The following CFAP47 variants were observed in gnomAD, a reference collection of about 807,000 sequenced individuals.
The protein encoded by CFAP47 is cilia and flagella associated protein 47, also known as cilia- and flagella-associated protein 47.
Under a neutral mutation model 148.1 loss-of-function variants are expected in CFAP47, and 29 were observed. The ratio of observed to expected loss-of-function variants is 0.20; its 90% CI spans 0.15 to 0.27. The LOEUF (loss-of-function observed/expected upper bound fraction) is 0.27, where lower values mean the gene tolerates loss of function less well. Ranked by LOEUF, CFAP47 falls within the 10% of genes least tolerant of loss-of-function variation. The pLI, the probability that CFAP47 is intolerant of heterozygous loss-of-function variation, is 1.00. For missense variants in CFAP47, 1,872 were observed against 1,697.5 expected (o/e 1.10, Z -1.81); for synonymous variants, 664 against 577.3 (o/e 1.15, Z -2.15).
intron 48 of CFAP47, among the ~76,000 whole-genome samples, chrX:36,248,860 T>C (rs1335807686): frequency 9.0e-6 from 1 of 110,881 alleles, no homozygotes; most frequent in Non-Finnish European, 1.9e-5. Context: ...GGAATTAAAT[T>C]AGAAGTCAAA....
chrX:35,934,273 A>G (rs1263970788), intron 2 of CFAP47, among the ~76,000 whole-genome samples: 2 of 111,255 alleles, frequency 1.8e-5, no homozygotes. Flanking sequence ...AAACCACAAG[A>G]CAATGTTCTT....
chrX:36,306,729 G>C, intron 54 of CFAP47, 43 bp from the exon 55 acceptor site: 1 of 816,038 alleles, frequency 1.2e-6, no homozygotes, highest in East Asian at 3.6e-5. Flanking sequence ...AAGCCAATTG[G>C]GTATTAATTT....
intron 40 of CFAP47, among the ~76,000 whole-genome samples, chrX:36,180,331 T>C (rs1280139497): frequency 8.9e-6 from 1 of 112,105 alleles, no homozygotes; most frequent in African/African-American, 3.2e-5. Context: ...TTAAAAACAA[T>C]GTTATCAAGG....
At chrX:36,325,259 T>A (rs1941508806) in intron 57 of CFAP47, among the ~76,000 whole-genome samples, 1 of 111,649 alleles carries the variant, frequency 9.0e-6, no homozygotes, top group African/African-American at 3.3e-5. Flanking sequence ...TTAATTGATT[T>A]AGTCCTTACA....
intron 33 of CFAP47, among the ~76,000 whole-genome samples, chrX:36,120,212 G>A (rs1938718515): frequency 9.3e-6 from 1 of 107,179 alleles, no homozygotes; most frequent in Non-Finnish European, 1.9e-5. Flanking sequence ...GTTTCATCAT[G>A]TTAGCCAGGA....
chrX:36,279,924 G>A (rs1442082119), intron 49 of CFAP47, among the ~76,000 whole-genome samples: 1 of 110,110 alleles, frequency 9.1e-6, no homozygotes, highest in African/African-American at 3.3e-5. Context: ...GGCTGGTCTC[G>A]AACTCCTGAC....
At chrX:36,305,608 C>T (rs1484440364) in intron 54 of CFAP47, among the ~76,000 whole-genome samples, 1 of 111,163 alleles carries the variant, frequency 9.0e-6, no homozygotes, top group Non-Finnish European at 1.9e-5. Context: ...AATACTATCA[C>T]ATTTTAGAAA....
intron 63 of CFAP47, among the ~76,000 whole-genome samples, chrX:36,382,277 A>G (rs1942084710): frequency 9.0e-6 from 1 of 111,256 alleles, no homozygotes; most frequent in African/African-American, 3.3e-5. Flanking sequence ...CACACCTGAG[A>G]GGTTAAGAAA....
chrX:35,961,125 TTATTC>T (rs1401946084), intron 8 of CFAP47, among the ~76,000 whole-genome samples: 17 of 111,833 alleles, frequency 1.5e-4, no homozygotes, highest in Admixed American at 4.8e-4. Context: ...ATTTTGTCCT[TTATTC>T]TATTAAGAGT....
At chrX:36,170,605 G>A (rs1283209607) in intron 39 of CFAP47, among the ~76,000 whole-genome samples, 1 of 109,751 alleles carries the variant, frequency 9.1e-6, no homozygotes, top group Non-Finnish European at 1.9e-5. Context: ...TTTCATCCAT[G>A]TCCCTACAAA....
chrX:35,948,109 G>A (rs5973553), intron 3 of CFAP47, among the ~76,000 whole-genome samples: 28,594 of 109,066 alleles, frequency 0.26, 3,882 homozygotes, highest in African/African-American at 0.55. Flanking sequence ...AGCTTAAAAT[G>A]TCTCAAAAAA....
chrX:36,210,759 TC>T (rs1940091021), intron 45 of CFAP47, among the ~76,000 whole-genome samples: 1 of 112,414 alleles, frequency 8.9e-6, no homozygotes, highest in Non-Finnish European at 1.9e-5. Context: ...TTGCTTTTGA[TC>T]ATATCTAAGA....
chrX:36,168,549 C>T (rs1025962527), intron 39 of CFAP47, among the ~76,000 whole-genome samples: 12 of 111,487 alleles, frequency 1.1e-4, no homozygotes, highest in African/African-American at 3.9e-4. Flanking sequence ...TATTTATTGT[C>T]CTACTCCTGC....
chrX:36,030,839 G>A (rs1488806888), intron 22 of CFAP47, among the ~76,000 whole-genome samples: 1 of 109,471 alleles, frequency 9.1e-6, no homozygotes, highest in African/African-American at 3.3e-5. Flanking sequence ...TTTTATCTAG[G>A]AAATGTTACA....
chrX:36,263,609 TC>T (rs1860033571), intron 49 of CFAP47, among the ~76,000 whole-genome samples: 2 of 111,902 alleles, frequency 1.8e-5, no homozygotes, highest in Non-Finnish European at 3.8e-5. Flanking sequence ...CAGCCAATGT[TC>T]CTTTAAGGCC....
intron 39 of CFAP47, among the ~76,000 whole-genome samples, chrX:36,171,867 G>A (rs1638399659): frequency 9.1e-6 from 1 of 109,417 alleles, no homozygotes; most frequent in Non-Finnish European, 1.9e-5. Context: ...GGATGGCATT[G>A]AATCTATAAA....
At chrX:36,104,980 T>G (rs1043117177) in intron 33 of CFAP47, among the ~76,000 whole-genome samples, 1 of 112,061 alleles carries the variant, frequency 8.9e-6, no homozygotes, top group African/African-American at 3.2e-5. Flanking sequence ...TGCTGACATT[T>G]TCAACTGTAT....
At chrX:36,115,962 A>G (rs1463548013) in intron 33 of CFAP47, among the ~76,000 whole-genome samples, 1 of 112,032 alleles carries the variant, frequency 8.9e-6, no homozygotes, top group Non-Finnish European at 1.9e-5. Context: ...AAATCAACCC[A>G]TCTCTTTCTC....
At position 36,201,303 on chromosome X, in the gene CFAP47, T is replaced by C. The variant is rs1172662203; in HGVS notation, c.6466T>C (p.Leu2156=). ...TAATAAGAAATACCCAGTTCTGTAT[T>C]TGAAATGCAAACCCTATCAAATCCT... is the stretch of plus-strand genomic sequence containing the variant. The part of the protein sequence containing the change: ...GPNKKYPVLY[L]KCKPYQILYV... The change falls in exon 44 of 64, where the codon TTG becomes CTG. Residue 2156 remains leucine (L), a synonymous_variant. Coordinates refer to ENST00000378653, the MANE Select transcript of CFAP47 (RefSeq NM_001304548.2). 3.4e-5 allele frequency: 10 copies of C among 295,843 alleles called. No homozygotes were observed. The highest frequency in any genetic ancestry group is 5.3e-5 in the Non-Finnish European group (9 of 169,847). 24.4% of individuals were successfully genotyped at this position (295,843 alleles called of 1,213,427 possible).
Sources: allele counts gnomAD v4.1 joint callset (sites outside exome capture counted in the v4.1 genomes callset), GRCh38; gene constraint gnomAD v4.1.1; transcripts MANE v1.5; gene names NCBI Gene and HGNC (gene_info 2026-07-23, HGNC 2026-07-21).